STIM2: variants seen among roughly 807,000 people sequenced by gnomAD.
STIM2 encodes stromal interaction molecule 2.
STIM2 carries 31 observed loss-of-function variants against 85.8 expected under a neutral mutation model. The observed-to-expected ratio is 0.36, with a 90% confidence interval of 0.27 to 0.49. STIM2 has a LOEUF of 0.49. Ranked by LOEUF, STIM2 falls within the 20% of genes least tolerant of loss-of-function variation. STIM2 has a pLI of 0.98. For missense variants in STIM2, 841 were observed against 927.6 expected (o/e 0.91, Z 1.21); for synonymous variants, 356 against 331.1 (o/e 1.08, Z -0.82).
chr4:26,953,241 T>C (rs1199775140), intron 2 of STIM2, among the ~76,000 whole-genome samples: 3 of 152,194 alleles, frequency 2.0e-5, no homozygotes, highest in Non-Finnish European at 4.4e-5. Context: ...CCAAAACATG[T>C]ATTAAACCTT....
In STIM2 at chr4:26,860,908, C is replaced by G; in HGVS notation, c.-311C>G. 9.1e-7 allele frequency: 1 copy of G among 1,103,434 alleles called. No individual in the cohort carries two copies. The highest frequency in any genetic ancestry group is 1.8e-5 in the South Asian group (1 of 54,136). The allele number at this position is 1,103,434 out of a possible 1,614,324, so 68.4% of individuals were successfully genotyped here. The stretch of plus-strand genomic sequence containing the variant: ...TCGTGCACCGCCTGAAGACGCCGTA[C>G]CTTTCTACCCCCCACCTTTTTTTTT... On this transcript the variant is annotated 5_prime_UTR_variant, in exon 1 of 12. Coordinates refer to ENST00000467087, the MANE Select transcript of STIM2 (RefSeq NM_020860.4).
chr4:26,999,135 A>T (rs919177566), intron 4 of STIM2, 97 bp from the exon 5 acceptor site: 3 of 412,964 alleles, frequency 7.3e-6, no homozygotes, highest in Non-Finnish European at 8.0e-6. Context: ...ATAATATGTA[A>T]AGTGTTAAAT....
At chr4:26,984,824 A>G (rs1294664975) in intron 3 of STIM2, among the ~76,000 whole-genome samples, 6 of 152,216 alleles carry the variant, frequency 3.9e-5, no homozygotes, top group Admixed American at 3.9e-4. Flanking sequence ...ACTGTTGGGA[A>G]CAAAACACCT....
chr4:26,894,516 A>T (rs1195235664), intron 1 of STIM2, among the ~76,000 whole-genome samples: 4 of 149,350 alleles, frequency 2.7e-5, no homozygotes, highest in African/African-American at 7.4e-5. Flanking sequence ...TTCCGTGTGG[A>T]TGTTCAGCCA....
In STIM2 at chr4:26,860,876, G is replaced by A. The variant is rs1722137554; in HGVS notation, c.-343G>A. ...ATCCCGGTCTCGCCGCAGCAGCAGCGCGGGTGTCGTGCACCGCCTGAAGAC... is the reference window on the plus strand; with the variant it reads ...ATCCCGGTCTCGCCGCAGCAGCAGCACGGGTGTCGTGCACCGCCTGAAGAC... On this transcript the variant is annotated 5_prime_UTR_variant, in exon 1 of 12. Transcript: ENST00000467087. 2.2e-6 allele frequency: 2 copies of A among 918,062 alleles called. No homozygotes were observed. The highest frequency in any genetic ancestry group is 5.9e-5 in the South Asian group (2 of 34,054). The allele number at this position is 918,062 out of a possible 1,614,324, so 56.9% of individuals were successfully genotyped here.
chr4:26,903,019 A>G (rs917715796), intron 1 of STIM2, among the ~76,000 whole-genome samples: 1 of 152,136 alleles, frequency 6.6e-6, no homozygotes, highest in Admixed American at 6.5e-5. Context: ...TGTGCTTGAT[A>G]ATGAATAAGG....
intron 3 of STIM2, among the ~76,000 whole-genome samples, chr4:26,977,145 A>G (rs1662031705): frequency 6.6e-6 from 1 of 152,146 alleles, no homozygotes; most frequent in Admixed American, 6.5e-5. Context: ...TCAGGGGACA[A>G]TCTGGGTGAA....
intron 2 of STIM2, among the ~76,000 whole-genome samples, chr4:26,923,169 T>G (rs1724871767): frequency 6.6e-6 from 1 of 151,208 alleles, no homozygotes; most frequent in Non-Finnish European, 1.5e-5. Flanking sequence ...GAGGGTCCTG[T>G]CTGTTAGAAG....
intron 1 of STIM2, among the ~76,000 whole-genome samples, chr4:26,900,859 C>G (rs1177957616): frequency 1.3e-5 from 2 of 152,146 alleles, no homozygotes; most frequent in African/African-American, 2.4e-5. Context: ...GACTTCATTC[C>G]TCTCTGTCAC....
chr4:27,013,234 G>GA (rs1728617521), intron 10 of STIM2, among the ~76,000 whole-genome samples: 1 of 133,560 alleles, frequency 7.5e-6, no homozygotes, highest in Admixed American at 8.0e-5. Flanking sequence ...AGTGAGTAGA[G>GA]TACAATAAGG....
chr4:26,937,124 C>T (rs888772479), intron 2 of STIM2, among the ~76,000 whole-genome samples: 1 of 152,154 alleles, frequency 6.6e-6, no homozygotes, highest in African/African-American at 2.4e-5. Flanking sequence ...ACAACCCCTG[C>T]TTCAACTAAT....
intron 3 of STIM2, among the ~76,000 whole-genome samples, chr4:26,969,600 T>C (rs990655427): frequency 2.0e-5 from 3 of 152,220 alleles, no homozygotes; most frequent in Non-Finnish European, 4.4e-5. Context: ...ATTGATCTGC[T>C]TTGTTAGTTG....
Position 27,024,770 on chromosome 4 carries a change from T to C in STIM2, c.*1774T>C, listed in dbSNP as rs893158779. Reference sequence around the variant, plus strand: ...AAGCTGTTGGAGAGGGGAAAAGTTGTGCATAAAGAACTGAAAAGGGTTCTG... The same window carrying C: ...AAGCTGTTGGAGAGGGGAAAAGTTGCGCATAAAGAACTGAAAAGGGTTCTG... On this transcript the variant is annotated 3_prime_UTR_variant, in exon 12 of 12. Transcript: ENST00000467087. 1 of 152,222 alleles carries C rather than the reference T, an allele frequency of 6.6e-6. No homozygotes were observed. The highest frequency in any genetic ancestry group is 2.4e-5 in the African/African-American group (1 of 41,454). 9.4% of individuals were successfully genotyped at this position (152,222 alleles called of 1,614,324 possible).
At chr4:27,008,139 T>C (rs1325541158) in intron 8 of STIM2, 2 of 597,816 alleles carry the variant, frequency 3.3e-6, no homozygotes, top group African/African-American at 3.8e-5. Context: ...ATATAGCTAA[T>C]GTTCTTCTGT....
chr4:27,001,476 A>G (rs939122947), intron 5 of STIM2, among the ~76,000 whole-genome samples: 3 of 152,202 alleles, frequency 2.0e-5, no homozygotes, highest in South Asian at 2.1e-4. Context: ...TGTTATTACT[A>G]TTTAACCCAG....
chr4:26,968,391 A>T (rs1463911827), intron 3 of STIM2, among the ~76,000 whole-genome samples: 3 of 152,038 alleles, frequency 2.0e-5, no homozygotes, highest in African/African-American at 7.3e-5. Flanking sequence ...AAACCTTGAG[A>T]ACATTATGCT....
At chr4:26,972,675 G>T (rs1727007918) in intron 3 of STIM2, among the ~76,000 whole-genome samples, 1 of 152,032 alleles carries the variant, frequency 6.6e-6, no homozygotes, top group South Asian at 2.1e-4. Flanking sequence ...CATCGTTGTT[G>T]ATCAGGGATA....
chr4:26,936,104 G>A (rs1725382357), intron 2 of STIM2, among the ~76,000 whole-genome samples: 1 of 152,188 alleles, frequency 6.6e-6, no homozygotes, highest in South Asian at 2.1e-4. Context: ...CTGTAACCTA[G>A]ATGGTTAAGA....
chr4:27,008,118 A>G (rs1354848748), intron 8 of STIM2: 7 of 656,868 alleles, frequency 1.1e-5, no homozygotes, highest in African/African-American at 3.7e-5. Context: ...CACTAGCACC[A>G]TTGTAGTATA....
Sources: gnomAD v4.1 joint callset for allele counts (sites outside exome capture counted in the v4.1 genomes callset) on GRCh38, gnomAD v4.1.1 for gene constraint, MANE v1.5 for transcripts, NCBI Gene and HGNC (gene_info 2026-07-23, HGNC 2026-07-21) for gene names.